The following DGKI variants were observed in gnomAD, a reference collection of about 807,000 sequenced individuals.
DGKI encodes the protein diacylglycerol kinase iota, also known as DAG kinase iota.
A neutral mutation model predicts 147.5 loss-of-function variants in DGKI; 55 were observed. The ratio of observed to expected loss-of-function variants is 0.37; its 90% CI spans 0.30 to 0.47. DGKI has a LOEUF of 0.47. DGKI is among the 20% of genes least tolerant of loss of function. The probability of loss-of-function intolerance (pLI) is 1.00; values close to 1 mark genes in which losing one functional copy is unlikely to be tolerated. For missense variants in DGKI, 1,007 were observed against 1,323.8 expected (o/e 0.76, Z 3.71); for synonymous variants, 469 against 477.1 (o/e 0.98, Z 0.22).
chr7:137,477,946 C>A (rs1815233191), intron 23 of DGKI, among the ~76,000 whole-genome samples: 1 of 152,192 alleles, frequency 6.6e-6, no homozygotes, highest in Non-Finnish European at 1.5e-5. Flanking sequence ...CAGGCATGAG[C>A]CACTGCGCCC....
chr7:137,464,707 A>T (rs1814587428), intron 26 of DGKI, among the ~76,000 whole-genome samples: 1 of 152,228 alleles, frequency 6.6e-6, no homozygotes, highest in African/African-American at 2.4e-5. Context: ...ACCCACAAAT[A>T]GCAGCAGTGA....
At chr7:137,418,646 AT>A (rs5887838) in intron 28 of DGKI, among the ~76,000 whole-genome samples, 61,723 of 151,796 alleles carry the variant, frequency 0.41, 13,087 homozygotes, top group East Asian at 0.74. Context: ...ATATTCAGTT[AT>A]TTTTTTAGTT....
rs552186985 is a variant in DGKI, at chr7:137,424,565, C to T, written c.2762-12358G>A. The stretch of plus-strand genomic sequence containing the variant: ...GACAGTGGATGCAGTGCACCGTGCG[C>T]GAGCCAAAGCAGGGTGAGGCATTGC... On this transcript the variant is annotated intron_variant, in intron 28 of 32. Coordinates refer to ENST00000614521, the MANE Select transcript of DGKI (RefSeq NM_001321708.2). Among the ~76,000 whole-genome samples the T allele has an allele frequency of 7.9e-4, 120 of 152,164 alleles. 1 individual carries two copies. Among genetic ancestry groups the T allele is most frequent in the Non-Finnish European group, 6.2e-4 (42 of 67,996 alleles).
At chr7:137,424,066 T>C (rs1480548432) in intron 28 of DGKI, among the ~76,000 whole-genome samples, 1 of 152,176 alleles carries the variant, frequency 6.6e-6, no homozygotes, top group Non-Finnish European at 1.5e-5. Context: ...ATCTTCCCCA[T>C]ATAAGCATAT....
At chr7:137,638,640 A>ATACACACATATACATATATGTATATATG (rs1563126060) in intron 6 of DGKI, among the ~76,000 whole-genome samples, 1 of 40,292 alleles carries the variant, frequency 2.5e-5, no homozygotes, top group Non-Finnish European at 3.9e-5. Context: ...GTGTGTATAT[A>ATACACACATATACATATATGTATATATG]TGTGTATGTA....
intron 19 of DGKI, among the ~76,000 whole-genome samples, chr7:137,553,931 T>A (rs1228216996): frequency 6.6e-6 from 1 of 152,234 alleles, no homozygotes; most frequent in Non-Finnish European, 1.5e-5. Flanking sequence ...AAGAAGGTAT[T>A]CTGCTGAGTC....
At chr7:137,717,533 C>T (rs150785847) in intron 1 of DGKI, among the ~76,000 whole-genome samples, 35 of 152,146 alleles carry the variant, frequency 2.3e-4, no homozygotes, top group African/African-American at 8.2e-4. Context: ...TCTGTCTGTC[C>T]GTTTACAACT....
intron 1 of DGKI, among the ~76,000 whole-genome samples, chr7:137,735,414 A>T (rs1435540925): frequency 6.6e-6 from 1 of 152,092 alleles, no homozygotes; most frequent in Non-Finnish European, 1.5e-5. Flanking sequence ...CCCAAGAGTC[A>T]AATCAGGAAT....
chr7:137,799,109 G>A (rs1022021828), intron 1 of DGKI, among the ~76,000 whole-genome samples: 1 of 152,074 alleles, frequency 6.6e-6, no homozygotes, highest in Non-Finnish European at 1.5e-5. Context: ...CAAAAAAGAT[G>A]TCTTCTTTCA....
chr7:137,621,416 G>A (rs542206273), intron 7 of DGKI, among the ~76,000 whole-genome samples: 1 of 152,220 alleles, frequency 6.6e-6, no homozygotes, highest in South Asian at 2.1e-4. Flanking sequence ...ATCCAAGATT[G>A]CACAGTTTTT....
At chr7:137,770,432 T>C (rs949958065) in intron 1 of DGKI, among the ~76,000 whole-genome samples, 3 of 151,924 alleles carry the variant, frequency 2.0e-5, no homozygotes, top group Non-Finnish European at 2.9e-5. Context: ...TGTATACCTA[T>C]GTAACAAACC....
intron 1 of DGKI, among the ~76,000 whole-genome samples, chr7:137,803,929 C>T (rs1034244147): frequency 2.0e-5 from 3 of 152,192 alleles, no homozygotes; most frequent in South Asian, 2.1e-4. Context: ...TCCGGGCATG[C>T]GTTTTTCATT....
intron 1 of DGKI, among the ~76,000 whole-genome samples, chr7:137,822,872 A>T (rs1432112063): frequency 1.3e-5 from 2 of 152,046 alleles, no homozygotes; most frequent in East Asian, 3.8e-4. Context: ...CAAAAAATTT[A>T]AAAATCCAGT....
chr7:137,671,080 C>T (rs1177326802), intron 3 of DGKI, among the ~76,000 whole-genome samples: 1 of 152,168 alleles, frequency 6.6e-6, no homozygotes, highest in Admixed American at 6.5e-5. Context: ...TGAGATGAAA[C>T]AGACAAGGTG....
At chr7:137,609,406 G>A (rs1585282127) in intron 9 of DGKI, 129 bp downstream of exon 9, 2 of 683,874 alleles carry the variant, frequency 2.9e-6, no homozygotes, top group Non-Finnish European at 5.0e-6. Flanking sequence ...ATTGTGGTTA[G>A]AGTGTAGTGA....
At chr7:137,515,360 A>G (rs117450102) in intron 21 of DGKI, among the ~76,000 whole-genome samples, 1,602 of 151,794 alleles carry the variant, frequency 0.011, 18 homozygotes, top group Non-Finnish European at 0.016. Flanking sequence ...GTATCTTGAA[A>G]TAGTACTAGA....
intron 1 of DGKI, among the ~76,000 whole-genome samples, chr7:137,781,073 G>A (rs930340257): frequency 6.6e-6 from 1 of 152,220 alleles, no homozygotes; most frequent in African/African-American, 2.4e-5. Context: ...TGGCTGTTTT[G>A]TTGGTGGATC....
At chr7:137,570,637 G>A (rs1818761421) in intron 19 of DGKI, among the ~76,000 whole-genome samples, 1 of 151,312 alleles carries the variant, frequency 6.6e-6, no homozygotes, top group South Asian at 2.1e-4. Flanking sequence ...CGTCACCCAG[G>A]CTGGAGTGCA....
chr7:137,524,467 T>C (rs1376019087), intron 20 of DGKI, among the ~76,000 whole-genome samples: 1 of 152,138 alleles, frequency 6.6e-6, no homozygotes, highest in Admixed American at 6.6e-5. Flanking sequence ...AAATAAGGCC[T>C]ATAGCAAAGA....
Sources: gnomAD v4.1 joint callset for allele counts (sites outside exome capture counted in the v4.1 genomes callset) on GRCh38, gnomAD v4.1.1 for gene constraint, MANE v1.5 for transcripts, NCBI Gene and HGNC (gene_info 2026-07-23, HGNC 2026-07-21) for gene names.